CDYL2: variants seen among roughly 807,000 people sequenced by gnomAD.
CDYL2 encodes chromodomain Y-like protein 2.
A neutral mutation model predicts 49.4 loss-of-function variants in CDYL2; 23 were observed. The observed-to-expected ratio is 0.47, with a 90% confidence interval of 0.34 to 0.66. The LOEUF is 0.66. Ranked by LOEUF, CDYL2 falls within the 30% of genes least tolerant of loss-of-function variation. The probability of loss-of-function intolerance (pLI) is 0.01; values close to 1 mark genes in which losing one functional copy is unlikely to be tolerated. For synonymous variants in CDYL2, 360 were observed against 268.8 expected (o/e 1.34, Z -3.32); for missense variants, 678 against 656.4 (o/e 1.03, Z -0.36).
chr16:80,669,189 G>C (rs1909396120), intron 2 of CDYL2, among the ~76,000 whole-genome samples: 1 of 151,924 alleles, frequency 6.6e-6, no homozygotes, highest in Non-Finnish European at 1.5e-5. Context: ...AATAGTGGGT[G>C]CCACATTTCT....
intron 1 of CDYL2, among the ~76,000 whole-genome samples, chr16:80,714,437 T>C (rs1904727440): frequency 6.6e-6 from 1 of 152,212 alleles, no homozygotes; most frequent in Non-Finnish European, 1.5e-5. Flanking sequence ...TATCACTGTG[T>C]ATCCCATAAA....
chr16:80,662,130 T>A (rs1909070553), intron 2 of CDYL2, among the ~76,000 whole-genome samples: 1 of 152,334 alleles, frequency 6.6e-6, no homozygotes, highest in Middle Eastern at 3.4e-3. Flanking sequence ...TGAAAACACT[T>A]GTTTTCTGCA....
chr16:80,763,405 A>C (rs1268525202), intron 1 of CDYL2, among the ~76,000 whole-genome samples: 2 of 26,064 alleles, frequency 7.7e-5, no homozygotes, highest in Non-Finnish European at 1.5e-4. Flanking sequence ...GAGGTCAGAG[A>C]TCAGCCTGGC....
chr16:80,607,243 C>T (rs1166128567), intron 6 of CDYL2, among the ~76,000 whole-genome samples: 1 of 151,478 alleles, frequency 6.6e-6, no homozygotes, highest in East Asian at 1.9e-4. Flanking sequence ...GACTTAAACA[C>T]AGTAGGTGCC....
intron 3 of CDYL2, among the ~76,000 whole-genome samples, chr16:80,632,200 T>C (rs1907594534): frequency 6.6e-6 from 1 of 152,114 alleles, no homozygotes; most frequent in African/African-American, 2.4e-5. Context: ...ATAGATAAAA[T>C]ATAGTCTATT....
chr16:80,638,546 G>A (rs1218813874), intron 2 of CDYL2, among the ~76,000 whole-genome samples: 3 of 151,922 alleles, frequency 2.0e-5, no homozygotes, highest in Non-Finnish European at 2.9e-5. Flanking sequence ...TCCACCTGGA[G>A]GACTCACACT....
At chr16:80,642,720 G>C (rs1363772799) in intron 2 of CDYL2, among the ~76,000 whole-genome samples, 1 of 152,156 alleles carries the variant, frequency 6.6e-6, no homozygotes, top group East Asian at 1.9e-4. Context: ...AGATGCAAAA[G>C]TGGAAACCCT....
chr16:80,783,041 C>T (rs967527936), intron 1 of CDYL2, among the ~76,000 whole-genome samples: 24 of 152,020 alleles, frequency 1.6e-4, no homozygotes, highest in Non-Finnish European at 3.2e-4. Flanking sequence ...AACACAGATA[C>T]AGTAGAATTC....
chr16:80,727,189 G>A (rs1167799177), intron 1 of CDYL2, among the ~76,000 whole-genome samples: 1 of 152,254 alleles, frequency 6.6e-6, no homozygotes, highest in Non-Finnish European at 1.5e-5. Context: ...GAGGTACCGG[G>A]TTCATCTCAC....
In CDYL2 at chr16:80,756,862, TA is replaced by T. The variant is rs35273155; in HGVS notation, c.24+47287del. On this transcript the variant is annotated intron_variant, in intron 1 of 6. Transcript: ENST00000570137. ...TTAGCATTATCATCGTATAAATTAG[TA>T]AAAAAAAAAACACATGATTTCATTA... Among the ~76,000 whole-genome samples, 14 of 147,852 alleles carry T rather than the reference TA, an allele frequency of 9.5e-5. No homozygotes were observed. The East Asian group carries it at 1.2e-3, about 12-fold the overall frequency.
intron 1 of CDYL2, among the ~76,000 whole-genome samples, chr16:80,705,269 G>A (rs1037158314): frequency 2.0e-5 from 3 of 152,202 alleles, no homozygotes; most frequent in Non-Finnish European, 4.4e-5. Flanking sequence ...AGGTAAGACC[G>A]TCCCTCAGGG....
chr16:80,730,630 C>A (rs1164995419), intron 1 of CDYL2, among the ~76,000 whole-genome samples: 1 of 152,066 alleles, frequency 6.6e-6, no homozygotes, highest in Admixed American at 6.5e-5. Context: ...GATACCAAAG[C>A]CGGGCAGAGA....
rs142719868 is a variant in CDYL2 at position 80,617,750 on chromosome 16, A to G, written c.1007+3013T>C. ...TCCTCACCTTTCTCATGCCTGTATC[A>G]CCTCTTTCCTCATACTCATCCCCTT... On this transcript the variant is annotated intron_variant, in intron 4 of 6. Transcript: ENST00000570137. Among the ~76,000 whole-genome samples, 256 of 152,138 alleles carry G rather than the reference A, an allele frequency of 1.7e-3. 1 individual carries two copies. The highest frequency in any genetic ancestry group is 6.0e-3 in the African/African-American group (250 of 41,484).
In CDYL2 at chr16:80,684,690, C is replaced by T; in HGVS notation, c.464G>A (p.Gly155Glu). ...AGAGCCGGCGTCCCCATTTTCCATC[C>T]CGTTCTGAGACTTTTTCAGGGGCAT... ...QIMPLKKSQN[G>E]MENGDAGSEK... The change falls in exon 2 of 7, where the codon GGG becomes GAG. Residue 155 changes from glycine (G) to glutamate (E), a missense_variant. Physicochemically the swap from Gly to Glu is moderately conservative, Grantham distance 98. Transcript: ENST00000570137. The T allele has an allele frequency of 6.2e-7, 1 of 1,614,198 alleles. No homozygotes were observed. The highest frequency in any genetic ancestry group is 8.5e-7 in the Non-Finnish European group (1 of 1,180,034).
At chr16:80,657,429 G>A (rs1469454332) in intron 2 of CDYL2, among the ~76,000 whole-genome samples, 1 of 152,068 alleles carries the variant, frequency 6.6e-6, no homozygotes, top group Non-Finnish European at 1.5e-5. Context: ...AAACACTGAA[G>A]ATAAGAAGAC....
intron 4 of CDYL2, among the ~76,000 whole-genome samples, chr16:80,613,835 A>G (rs1906709382): frequency 6.6e-6 from 1 of 152,208 alleles, no homozygotes. Context: ...AAGAACTCAC[A>G]AGAATAAAAT....
intron 3 of CDYL2, among the ~76,000 whole-genome samples, chr16:80,628,640 T>C (rs1234837256): frequency 6.6e-6 from 1 of 151,656 alleles, no homozygotes; most frequent in East Asian, 1.9e-4. Context: ...CGTGTGCTGT[T>C]TTAAAATGCT....
chr16:80,691,785 G>C (rs1910425818), intron 1 of CDYL2, among the ~76,000 whole-genome samples: 1 of 151,996 alleles, frequency 6.6e-6, no homozygotes, highest in Non-Finnish European at 1.5e-5. Flanking sequence ...AGAGAGAGAA[G>C]AAGAGATACA....
chr16:80,663,766 T>C (rs1346324350), intron 2 of CDYL2, among the ~76,000 whole-genome samples: 1 of 152,150 alleles, frequency 6.6e-6, no homozygotes, highest in Non-Finnish European at 1.5e-5. Flanking sequence ...CTAATTTTTG[T>C]ATTTCTAGTA....
Sources: gnomAD v4.1 joint callset for allele counts (sites outside exome capture counted in the v4.1 genomes callset) on GRCh38, gnomAD v4.1.1 for gene constraint, MANE v1.5 for transcripts, NCBI Gene and HGNC (gene_info 2026-07-23, HGNC 2026-07-21) for gene names.